JARID2: variants seen among roughly 807,000 people sequenced by gnomAD.
The protein encoded by JARID2 is protein Jumonji.
A neutral mutation model predicts 125.6 loss-of-function variants in JARID2; 21 were observed. The ratio of observed to expected loss-of-function variants is 0.17; its 90% CI spans 0.12 to 0.24. The LOEUF is 0.24. JARID2 is among the 10% of genes least tolerant of loss of function. The pLI is 1.00. For synonymous variants in JARID2, 736 were observed against 661.6 expected (o/e 1.11, Z -1.73); for missense variants, 1,303 against 1,639.6 (o/e 0.79, Z 3.55).
chr6:15,251,003 A>G (rs1340018898), intron 1 of JARID2, among the ~76,000 whole-genome samples: 1 of 151,724 alleles, frequency 6.6e-6, no homozygotes, highest in Non-Finnish European at 1.5e-5. Flanking sequence ...AGGCTAACCT[A>G]GAGAGCATTT....
intron 5 of JARID2, among the ~76,000 whole-genome samples, chr6:15,482,166 C>T (rs1175278752): frequency 1.3e-5 from 2 of 152,194 alleles, no homozygotes; most frequent in Non-Finnish European, 2.9e-5. Flanking sequence ...CTTGCCCTGC[C>T]AAGTGATTTA....
chr6:15,288,871 G>T (rs1287079456), intron 1 of JARID2, among the ~76,000 whole-genome samples: 1 of 152,218 alleles, frequency 6.6e-6, no homozygotes, highest in Non-Finnish European at 1.5e-5. Context: ...CTCCTGGCGA[G>T]GTGAAGAAGG....
chr6:15,420,878 A>G (rs1293272065), intron 3 of JARID2, among the ~76,000 whole-genome samples: 4 of 152,238 alleles, frequency 2.6e-5, no homozygotes, highest in African/African-American at 7.2e-5. Context: ...TAGGCTAGTA[A>G]GAATGGGCAC....
intron 1 of JARID2, among the ~76,000 whole-genome samples, chr6:15,335,472 A>G (rs75305046): frequency 6.6e-6 from 1 of 152,066 alleles, no homozygotes; most frequent in Non-Finnish European, 1.5e-5. Context: ...TCAGCCTCCT[A>G]TAGTGCTGTT....
intron 1 of JARID2, among the ~76,000 whole-genome samples, chr6:15,311,526 C>T (rs1255060333): frequency 2.6e-5 from 4 of 152,216 alleles, no homozygotes; most frequent in South Asian, 2.1e-4. Context: ...TGCGGTGAGC[C>T]GAGATCGCGC....
chr6:15,323,751 C>T (rs1270478768), intron 1 of JARID2, among the ~76,000 whole-genome samples: 3 of 152,022 alleles, frequency 2.0e-5, no homozygotes, highest in Non-Finnish European at 4.4e-5. Flanking sequence ...AAAAATTAGC[C>T]GGGTGTGGTG....
chr6:15,248,923 C>G, intron 1 of JARID2: 1 of 985,744 alleles, frequency 1.0e-6, no homozygotes, highest in Non-Finnish European at 1.2e-6. Context: ...AAGATGCGCT[C>G]GGCCTCTGCC....
intron 5 of JARID2, 127 bp from the exon 6 acceptor site, chr6:15,487,180 C>T (rs1232661257): frequency 1.7e-5 from 13 of 758,402 alleles, no homozygotes; most frequent in South Asian, 1.2e-4. Flanking sequence ...CCAGTTCCCT[C>T]GCTAACACAT....
At chr6:15,249,061 T>C in intron 1 of JARID2, 1 of 556,144 alleles carries the variant, frequency 1.8e-6, no homozygotes, top group Non-Finnish European at 2.3e-6. Flanking sequence ...GCGCCTCCTT[T>C]CTGCAGGAAT....
intron 1 of JARID2, among the ~76,000 whole-genome samples, chr6:15,262,259 T>C (rs565009490): frequency 1.3e-5 from 2 of 152,062 alleles, no homozygotes; most frequent in African/African-American, 4.8e-5. Context: ...TCAAGTGATC[T>C]TCACCCCAGT....
chr6:15,352,085 G>A (rs931282691), intron 1 of JARID2, among the ~76,000 whole-genome samples: 8 of 151,844 alleles, frequency 5.3e-5, no homozygotes, highest in Admixed American at 4.6e-4. Flanking sequence ...TTTTCTGTCC[G>A]ACGTAAGGGA....
At chr6:15,379,407 C>T (rs1246033057) in intron 2 of JARID2, among the ~76,000 whole-genome samples, 1 of 152,178 alleles carries the variant, frequency 6.6e-6, no homozygotes, top group Admixed American at 6.5e-5. Flanking sequence ...GAGGCTGAGA[C>T]CTTGGCCACT....
intron 1 of JARID2, among the ~76,000 whole-genome samples, chr6:15,307,787 G>A (rs537086537): frequency 1.3e-4 from 20 of 152,296 alleles, no homozygotes; most frequent in African/African-American, 4.3e-4. Context: ...AGGAGCTCAT[G>A]AGAAATATGT....
chr6:15,417,441 G>C (rs531104837), intron 3 of JARID2, among the ~76,000 whole-genome samples: 1 of 152,316 alleles, frequency 6.6e-6, no homozygotes, highest in South Asian at 2.1e-4. Context: ...TTCTTGAAGA[G>C]AATTTTGGTG....
chr6:15,444,171 C>T (rs1767564770), intron 3 of JARID2, among the ~76,000 whole-genome samples: 1 of 152,184 alleles, frequency 6.6e-6, no homozygotes, highest in Non-Finnish European at 1.5e-5. Flanking sequence ...ACTCTGCTTA[C>T]AGAGCCAGCT....
intron 3 of JARID2, among the ~76,000 whole-genome samples, chr6:15,440,108 C>T (rs2237143): frequency 0.82 from 124,357 of 152,224 alleles, 50,939 homozygotes; most frequent in African/African-American, 0.88. Flanking sequence ...AAGATATTCT[C>T]GTCCGACCCT....
chr6:15,480,073 A>T (rs1399916527), intron 5 of JARID2, among the ~76,000 whole-genome samples: 1 of 152,258 alleles, frequency 6.6e-6, no homozygotes, highest in Non-Finnish European at 1.5e-5. Context: ...CATGAAGCGT[A>T]CATTTAAATA....
chr6:15,318,894 G>A (rs973407007), intron 1 of JARID2, among the ~76,000 whole-genome samples: 3 of 152,200 alleles, frequency 2.0e-5, no homozygotes, highest in African/African-American at 7.2e-5. Context: ...AGCCATAATG[G>A]CTTGTCCAAA....
chr6:15,475,712 T>C (rs561857658), intron 5 of JARID2, among the ~76,000 whole-genome samples: 1 of 152,222 alleles, frequency 6.6e-6, no homozygotes, highest in Non-Finnish European at 1.5e-5. Context: ...GTTCTCTGGC[T>C]GCATGGAAAG....
Sources: gnomAD v4.1 joint callset for allele counts (sites outside exome capture counted in the v4.1 genomes callset) on GRCh38, gnomAD v4.1.1 for gene constraint, MANE v1.5 for transcripts, NCBI Gene and HGNC (gene_info 2026-07-23, HGNC 2026-07-21) for gene names.